The following FAM227B variants were observed in gnomAD, a reference collection of about 807,000 sequenced individuals.
The protein encoded by FAM227B is family with sequence similarity 227 member B.
FAM227B carries 88 observed loss-of-function variants against 73.8 expected under a neutral mutation model. That is an observed-to-expected ratio of 1.19 (90% CI 1.00 to 1.42). The LOEUF (loss-of-function observed/expected upper bound fraction) is 1.42. Among genes scored for constraint, FAM227B ranks in the 40% most tolerant of loss-of-function variants. The probability of loss-of-function intolerance (pLI) is 0.00; values close to 1 mark genes in which losing one functional copy is unlikely to be tolerated. For missense variants in FAM227B, 632 were observed against 590.9 expected (o/e 1.07, Z -0.72); for synonymous variants, 210 against 190.5 (o/e 1.10, Z -0.84).
chr15:49,365,070 C>G, intron 13 of FAM227B: 1 of 576,720 alleles, frequency 1.7e-6, no homozygotes, highest in East Asian at 2.8e-5. Flanking sequence ...TTTAAAAAGT[C>G]AAAGTCTATT....
intron 8 of FAM227B, 42 bp downstream of exon 8, chr15:49,574,969 C>A: frequency 7.8e-7 from 1 of 1,275,682 alleles, no homozygotes; most frequent in Non-Finnish European, 1.1e-6. Context: ...TTAATTATGC[C>A]AAAAATCAAC....
intron 11 of FAM227B, among the ~76,000 whole-genome samples, chr15:49,471,302 T>C (rs991800864): frequency 6.6e-6 from 1 of 151,662 alleles, no homozygotes; most frequent in Non-Finnish European, 1.5e-5. Flanking sequence ...CTGGCTAACA[T>C]GGCAAAACCC....
At chr15:49,569,523 GTGTT>G (rs1210310188) in intron 8 of FAM227B, among the ~76,000 whole-genome samples, 1 of 151,700 alleles carries the variant, frequency 6.6e-6, no homozygotes, top group African/African-American at 2.4e-5. Context: ...AATCATAATT[GTGTT>G]TATTTATAGG....
chr15:49,544,810 T>C (rs1320660224), intron 9 of FAM227B, among the ~76,000 whole-genome samples: 1 of 152,220 alleles, frequency 6.6e-6, no homozygotes, highest in Non-Finnish European at 1.5e-5. Flanking sequence ...TTTATTGACA[T>C]ATTGATGGTA....
chr15:49,393,554 C>T (rs1431085005), intron 11 of FAM227B, among the ~76,000 whole-genome samples: 3 of 152,006 alleles, frequency 2.0e-5, no homozygotes, highest in African/African-American at 7.2e-5. Context: ...TAAAATAAGT[C>T]CATATACCAA....
rs1596612981 is a variant in FAM227B at position 49,367,547 on chromosome 15, C to A, written c.1172G>T (p.Ser391Ile). 4 of 1,606,200 alleles carry A rather than the reference C, an allele frequency of 2.5e-6. No individual in the cohort carries two copies. The East Asian group carries it at 6.7e-5, about 27-fold the overall frequency. Residue 391 changes from serine (S) to isoleucine (I), a missense_variant, in exon 13 of 16, where the codon AGT becomes ATT. Ser to Ile is a moderately radical substitution (Grantham distance 142, BLOSUM62 -2). Coordinates refer to ENST00000299338, the MANE Select transcript of FAM227B (RefSeq NM_152647.3). ...CTTAAGATAATATAAAATCAATGGA[C>A]TCTGACCTCCAAAATTGAAGAGAAC... ...NRVLFNFGGQSPLILYYLKMH... is the reference protein window; with the variant it reads ...NRVLFNFGGQIPLILYYLKMH...
chr15:49,591,642 T>G (rs910465266), intron 3 of FAM227B, among the ~76,000 whole-genome samples: 4 of 151,818 alleles, frequency 2.6e-5, no homozygotes, highest in Admixed American at 2.6e-4. Flanking sequence ...CGTGCCACCA[T>G]GCCCAACTAA....
At chr15:49,520,858 A>G (rs929462210) in intron 10 of FAM227B, among the ~76,000 whole-genome samples, 3 of 152,018 alleles carry the variant, frequency 2.0e-5, no homozygotes, top group Admixed American at 2.0e-4. Context: ...ACAGGAAAGG[A>G]AGACAGCAAG....
At chr15:49,416,776 C>G (rs1597046632) in intron 11 of FAM227B, among the ~76,000 whole-genome samples, 1 of 50,308 alleles carries the variant, frequency 2.0e-5, no homozygotes, top group African/African-American at 3.8e-5. Flanking sequence ...CACATAGACA[C>G]ACACACACAC....
At chr15:49,550,408 G>C (rs1379791349) in intron 9 of FAM227B, among the ~76,000 whole-genome samples, 2 of 151,864 alleles carry the variant, frequency 1.3e-5, no homozygotes, top group Non-Finnish European at 2.9e-5. Flanking sequence ...CTCCCGGACG[G>C]GGTGGCTGCT....
chr15:49,458,916 C>T (rs1353205674), intron 11 of FAM227B, among the ~76,000 whole-genome samples: 3 of 151,968 alleles, frequency 2.0e-5, no homozygotes, highest in South Asian at 2.1e-4. Flanking sequence ...TTATTTTTTA[C>T]GAGACTAGTT....
chr15:49,417,812 T>C (rs878973498), intron 11 of FAM227B, among the ~76,000 whole-genome samples: 8 of 152,084 alleles, frequency 5.3e-5, no homozygotes, highest in East Asian at 1.9e-4. Context: ...AAAGCAAAAA[T>C]TGACAAATGG....
chr15:49,329,405 A>G, intron 15 of FAM227B: 19 of 985,244 alleles, frequency 1.9e-5, no homozygotes, highest in Non-Finnish European at 2.3e-5. Context: ...TATGGCATGA[A>G]TTATCCAAAA....
rs2076416004 is a variant in FAM227B, at chr15:49,589,831, A to C, written c.282T>G (p.Ile94Met). Residue 94 changes from isoleucine (I) to methionine (M), a missense_variant, in exon 4 of 16, where the codon ATT becomes ATG. By Grantham distance (10) the Ile-to-Met change is conservative (BLOSUM62 1). Coordinates refer to ENST00000299338, the MANE Select transcript of FAM227B (RefSeq NM_152647.3). ...MESKLKEYSL[I>M]LQNHTSEIFK... The stretch of plus-strand genomic sequence containing the variant: ...ATATTTCAGAGGTGTGGTTTTGCAA[A>C]ATAAGTGAATATTCCTTTAATTTTG... 1 of 1,610,566 alleles carries C rather than the reference A, an allele frequency of 6.2e-7. No individual in the cohort carries two copies. The highest frequency in any genetic ancestry group is 1.3e-5 in the African/African-American group (1 of 74,860).
At chr15:49,464,895 A>C (rs2054126943) in intron 11 of FAM227B, among the ~76,000 whole-genome samples, 1 of 152,236 alleles carries the variant, frequency 6.6e-6, no homozygotes, top group African/African-American at 2.4e-5. Flanking sequence ...GAATAACGTA[A>C]GACATACATG....
chr15:49,393,281 G>T (rs1462797116), intron 11 of FAM227B, among the ~76,000 whole-genome samples: 1 of 152,016 alleles, frequency 6.6e-6, no homozygotes, highest in Non-Finnish European at 1.5e-5. Flanking sequence ...TAAATGGAGG[G>T]TGCTGTGGTT....
At chr15:49,568,667 T>A (rs973500203) in intron 8 of FAM227B, among the ~76,000 whole-genome samples, 2 of 152,036 alleles carry the variant, frequency 1.3e-5, no homozygotes, top group African/African-American at 4.8e-5. Context: ...CTTAGCACAG[T>A]ACCTGGCAAC....
intron 10 of FAM227B, among the ~76,000 whole-genome samples, chr15:49,515,506 C>CT (rs1418660288): frequency 6.6e-6 from 1 of 151,992 alleles, no homozygotes; most frequent in Non-Finnish European, 1.5e-5. Context: ...TTTTCTATGG[C>CT]TTTTTTGCAT....
At chr15:49,462,711 T>C (rs1341259703) in intron 11 of FAM227B, among the ~76,000 whole-genome samples, 1 of 152,206 alleles carries the variant, frequency 6.6e-6, no homozygotes, top group Admixed American at 6.5e-5. Flanking sequence ...ATTCAATTTA[T>C]TTTACTTCCA....
Sources: gnomAD v4.1 joint callset for allele counts (sites outside exome capture counted in the v4.1 genomes callset) on GRCh38, gnomAD v4.1.1 for gene constraint, MANE v1.5 for transcripts, NCBI Gene and HGNC (gene_info 2026-07-23, HGNC 2026-07-21) for gene names.